TNKS: variants seen among roughly 807,000 people sequenced by gnomAD.
TNKS encodes the protein tankyrase.
In TNKS, 72 loss-of-function variants were observed where a neutral mutation model predicts 135.8. The observed-to-expected ratio is 0.53, with a 90% CI of 0.44 to 0.64. TNKS has a LOEUF of 0.64. TNKS is among the 30% of genes least tolerant of loss of function. The pLI is 0.00. For missense variants in TNKS, 1,769 were observed against 1,674.0 expected (o/e 1.06, Z -0.99); for synonymous variants, 849 against 649.3 (o/e 1.31, Z -4.68).
intron 22 of TNKS, among the ~76,000 whole-genome samples, chr8:9,763,955 C>T (rs1300767522): frequency 6.6e-6 from 1 of 152,138 alleles, no homozygotes; most frequent in Non-Finnish European, 1.5e-5. Flanking sequence ...GCATAGGGAA[C>T]TCAGGACCAT....
chr8:9,764,453 T>C lies in TNKS; in HGVS notation c.3373-263T>C, dbSNP rs150827012. 4.0e-3 allele frequency among the ~76,000 whole-genome samples: 609 copies of C among 152,314 alleles called. 7 individuals carry two copies. Among genetic ancestry groups the C allele is most frequent in the African/African-American group, 0.014 (579 of 41,576 alleles). On this transcript the variant is annotated intron_variant, in intron 22 of 26. Transcript: ENST00000310430. ...AATAAGATAAGATAGTAATTGTAGA[T>C]GACTTAATGTGTTTTTTAATATGTT...
At chr8:9,651,872 C>T (rs1436076002) in intron 3 of TNKS, among the ~76,000 whole-genome samples, 2 of 152,130 alleles carry the variant, frequency 1.3e-5, no homozygotes, top group African/African-American at 2.4e-5. Context: ...TTATCCCAAA[C>T]TTCATACTTC....
intron 2 of TNKS, among the ~76,000 whole-genome samples, chr8:9,614,872 G>T (rs1054968030): frequency 6.6e-6 from 1 of 152,040 alleles, no homozygotes; most frequent in Non-Finnish European, 1.5e-5. Flanking sequence ...TCTTTTGTAG[G>T]AACCTCCATA....
intron 3 of TNKS, among the ~76,000 whole-genome samples, chr8:9,634,308 T>G (rs1366812409): frequency 1.3e-5 from 2 of 152,032 alleles, no homozygotes; most frequent in Non-Finnish European, 2.9e-5. Context: ...GAAAAACACC[T>G]AAAATTTGAA....
chr8:9,772,950 A>C (rs1312809032), intron 26 of TNKS, among the ~76,000 whole-genome samples: 2 of 150,246 alleles, frequency 1.3e-5, no homozygotes, highest in Non-Finnish European at 3.0e-5. Context: ...AAACCTTCCC[A>C]AACGTAGATC....
Position 9,732,103 on chromosome 8 carries a change from T to C in TNKS, c.2147+1068T>C, listed in dbSNP as rs150043393. ...GCACCCAGCCCTATATGAATGTTTT[T>C]ATATAGTCTGTAAGTTATTGTTTAT... On this transcript the variant is annotated intron_variant, in intron 14 of 26. Coordinates refer to ENST00000310430, the MANE Select transcript of TNKS (RefSeq NM_003747.3). Among the ~76,000 whole-genome samples, 354 of 152,324 alleles carry C rather than the reference T, an allele frequency of 2.3e-3. 3 individuals carry two copies. Among genetic ancestry groups the C allele is most frequent in the African/African-American group, 8.1e-3 (337 of 41,588 alleles).
chr8:9,628,374 C>A (rs868292175), intron 3 of TNKS, among the ~76,000 whole-genome samples: 17 of 152,084 alleles, frequency 1.1e-4, no homozygotes, highest in African/African-American at 3.9e-4. Context: ...GTTTTTTTCT[C>A]CCTGAGTTTT....
intron 3 of TNKS, among the ~76,000 whole-genome samples, chr8:9,678,930 T>C (rs1390489608): frequency 6.6e-6 from 1 of 152,210 alleles, no homozygotes; most frequent in Non-Finnish European, 1.5e-5. Context: ...ACTAAGTCAG[T>C]GTATTACAGC....
chr8:9,685,491 T>C (rs1440352802), intron 5 of TNKS, among the ~76,000 whole-genome samples: 1 of 152,192 alleles, frequency 6.6e-6, no homozygotes, highest in Non-Finnish European at 1.5e-5. Flanking sequence ...TCTGAAACTT[T>C]CAAATGTATC....
chr8:9,781,691 G>A lies in TNKS; in HGVS notation c.*4955G>A, dbSNP rs1344956962. ...GTTTCTCAAAACATTTACAAAACCA[G>A]CTTTGAGAAAATGTTATGTTGCCTG... On this transcript the variant is annotated 3_prime_UTR_variant, in exon 27 of 27. Coordinates refer to ENST00000310430, the MANE Select transcript of TNKS (RefSeq NM_003747.3). The A allele has an allele frequency of 6.6e-6, 1 of 152,610 alleles. No homozygotes were observed. Among genetic ancestry groups the A allele is most frequent in the Non-Finnish European group, 1.5e-5 (1 of 68,026 alleles). The allele number at this position is 152,610 out of a possible 1,614,324, so 9.5% of individuals were successfully genotyped here.
intron 22 of TNKS, among the ~76,000 whole-genome samples, 168 bp downstream of exon 22, chr8:9,763,412 C>A (rs992691928): frequency 3.3e-5 from 5 of 152,140 alleles, no homozygotes; most frequent in Admixed American, 3.3e-4. Context: ...GACGGCGCCC[C>A]ATGGTTTTCA....
In TNKS at chr8:9,615,617, A is replaced by G. The variant is rs1171870699; in HGVS notation, c.934A>G (p.Asn312Asp). 6.2e-7 allele frequency: 1 copy of G among 1,613,660 alleles called. No homozygotes were observed. Among genetic ancestry groups the G allele is most frequent in the Non-Finnish European group, 8.5e-7 (1 of 1,179,896 alleles). ...LQHGADPNIR[N>D]TDGKSALDLA... ...GCACGGAGCTGACCCAAACATTCGG[A>G]ACACTGATGGGAAATCAGCCCTGGA... Residue 312 changes from asparagine (N) to aspartate (D), a missense_variant, in exon 3 of 27, where the codon AAC becomes GAC. Asn to Asp is a conservative substitution (Grantham distance 23, BLOSUM62 1). Coordinates refer to ENST00000310430, the MANE Select transcript of TNKS (RefSeq NM_003747.3).
chr8:9,728,545 T>G (rs1477325681), intron 13 of TNKS, among the ~76,000 whole-genome samples: 1 of 152,180 alleles, frequency 6.6e-6, no homozygotes. Flanking sequence ...AGAGTTAATT[T>G]AGAATGTAAG....
At chr8:9,770,061 G>T in intron 25 of TNKS, 45 bp from the exon 26 acceptor site, 1 of 1,546,054 alleles carries the variant, frequency 6.5e-7, no homozygotes, top group Non-Finnish European at 8.8e-7. Context: ...ATTATTGTAA[G>T]ATTTAAAGCT....
chr8:9,750,585 A>G lies in TNKS; in HGVS notation c.2833-1024A>G, dbSNP rs530947303. 7.2e-5 allele frequency among the ~76,000 whole-genome samples: 11 copies of G among 152,114 alleles called. No individual in the cohort carries two copies. In the South Asian group the frequency reaches 1.5e-3, roughly 20 times the overall value. ...CGCCTTCAGTAGCACTTGCCTATCT[A>G]TCTTCCATTCACAGCCTCCCTCAGC... On this transcript the variant is annotated intron_variant, in intron 18 of 26. Transcript: ENST00000310430.
rs1585161229 is a variant in TNKS at position 9,556,415 on chromosome 8, T to G, written c.476T>G (p.Val159Gly). The G allele has an allele frequency of 3.1e-6, 5 of 1,614,078 alleles. No individual in the cohort carries two copies. The highest frequency in any genetic ancestry group is 4.2e-6 in the Non-Finnish European group (5 of 1,179,994). Residue 159 changes from valine to glycine, a missense_variant, in exon 1 of 27, where the codon GTT becomes GGT. This residue lies in a region of TNKS where 450 missense variants were observed against 304.9 expected (regional missense o/e 1.48). Coordinates refer to ENST00000310430, the MANE Select transcript of TNKS (RefSeq NM_003747.3). ...SLAESPEAAG[V>G]SSTAPLGPGA... ...GCGGAGAGCCCCGAGGCGGCCGGAG[T>G]TAGCAGCACAGCACCACTGGGGCCT...
intron 3 of TNKS, among the ~76,000 whole-genome samples, chr8:9,659,481 G>T (rs927165218): frequency 6.6e-6 from 1 of 152,138 alleles, no homozygotes; most frequent in African/African-American, 2.4e-5. Flanking sequence ...GCTCCCTAAT[G>T]ACTACTGGGT....
intron 19 of TNKS, 105 bp downstream of exon 19, chr8:9,751,951 G>C: frequency 4.0e-6 from 4 of 1,009,690 alleles, no homozygotes; most frequent in Non-Finnish European, 5.9e-6. Context: ...GAGACGTCCT[G>C]TCTGTAAATT....
Position 9,674,092 on chromosome 8 carries a change from T to A in TNKS, c.995-5859T>A, listed in dbSNP as rs149805528. ...TATAACAATTTAGTAGAGTGTTTTT[T>A]CTCAAATAACTTTGTTTTGTTTTAA... On this transcript the variant is annotated intron_variant, in intron 3 of 26. Coordinates refer to ENST00000310430, the MANE Select transcript of TNKS (RefSeq NM_003747.3). 1.4e-3 allele frequency among the ~76,000 whole-genome samples: 206 copies of A among 152,340 alleles called. 2 individuals carry two copies. Among genetic ancestry groups the A allele is most frequent in the African/African-American group, 4.8e-3 (199 of 41,582 alleles).
Sources: allele counts gnomAD v4.1 joint callset (sites outside exome capture counted in the v4.1 genomes callset), GRCh38; gene constraint gnomAD v4.1.1; regional missense constraint gnomAD v4.1.1; transcripts MANE v1.5; gene names NCBI Gene and HGNC (gene_info 2026-07-23, HGNC 2026-07-21).